The following BFAR variants were observed in gnomAD, a reference collection of about 807,000 sequenced individuals.
BFAR encodes the protein bifunctional apoptosis regulator, also known as RING finger protein 47.
A neutral mutation model predicts 54.4 loss-of-function variants in BFAR; 52 were observed. That is an observed-to-expected ratio of 0.96 (90% CI 0.77 to 1.21). The LOEUF (loss-of-function observed/expected upper bound fraction) is 1.21. Among genes scored for constraint, BFAR ranks in the 50% most tolerant of loss-of-function variants. The pLI is 0.00. For synonymous variants in BFAR, 215 were observed against 204.3 expected, an observed-to-expected ratio of 1.05 and a Z score of -0.45; for missense variants, 571 against 534.0, an observed-to-expected ratio of 1.07 and a Z score of -0.68.
At chr16:14,633,815 G>T (rs747359552) in intron 1 of BFAR, among the ~76,000 whole-genome samples, 5 of 152,244 alleles carry the variant, frequency 3.3e-5, no homozygotes, top group Admixed American at 6.5e-5. Flanking sequence ...ACCACGCCCG[G>T]CTGATTTTTG....
At chr16:14,654,493 CTTTT>C (rs55673619) in intron 4 of BFAR, among the ~76,000 whole-genome samples, 15 of 89,132 alleles carry the variant, frequency 1.7e-4, no homozygotes, top group Non-Finnish European at 2.9e-4. Context: ...GTGAGTTTTC[CTTTT>C]TTTTTTTTTT....
chr16:14,665,278 T>A (rs924005030), intron 7 of BFAR: 3 of 588,974 alleles, frequency 5.1e-6, no homozygotes, highest in Non-Finnish European at 9.0e-6. Flanking sequence ...TTGTTAAAAG[T>A]ATTTTCCTAT....
intron 1 of BFAR, among the ~76,000 whole-genome samples, chr16:14,641,787 A>C (rs904748645): frequency 3.3e-5 from 5 of 152,114 alleles, no homozygotes; most frequent in African/African-American, 4.8e-5. Context: ...CTTGAACCCC[A>C]GGAGGTGGAG....
At chr16:14,664,116 A>G (rs949102654) in intron 6 of BFAR, among the ~76,000 whole-genome samples, 3 of 151,942 alleles carry the variant, frequency 2.0e-5, no homozygotes, top group African/African-American at 7.3e-5. Flanking sequence ...GGTGGTATAC[A>G]CCTTTAATCC....
chr16:14,669,155 A>G lies in BFAR; in HGVS notation c.*1328A>G. On this transcript the variant is annotated 3_prime_UTR_variant, in exon 8 of 8. Coordinates refer to ENST00000261658, the MANE Select transcript of BFAR (RefSeq NM_016561.3). ...ATTAACCCTTTGTATCTTTGAGTGA[A>G]AATTTTACTCAAAAGTTGCATCTGG... The G allele has an allele frequency of 2.8e-6, 1 of 351,534 alleles. No homozygotes were observed. Among genetic ancestry groups the G allele is most frequent in the Non-Finnish European group, 5.9e-6 (1 of 170,354 alleles). The allele number at this position is 351,534 out of a possible 1,614,324, so 21.8% of individuals were successfully genotyped here.
At chr16:14,650,622 A>T (rs912957256) in intron 4 of BFAR, 1 of 152,188 alleles carries the variant, frequency 6.6e-6, no homozygotes, top group African/African-American at 2.4e-5. Context: ...TTTTTCACTT[A>T]GCATAATCTT....
At chr16:14,650,440 T>G (rs968835950) in intron 4 of BFAR, 1 of 152,494 alleles carries the variant, frequency 6.6e-6, no homozygotes, top group Non-Finnish European at 1.5e-5. Context: ...CAGCTGGTTT[T>G]AGAACATTTT....
intron 1 of BFAR, among the ~76,000 whole-genome samples, chr16:14,637,999 T>C (rs148125675): frequency 1.4e-4 from 22 of 152,114 alleles, no homozygotes; most frequent in African/African-American, 5.3e-4. Flanking sequence ...AAAGAAGTCA[T>C]CTATTGTCAG....
intron 4 of BFAR, among the ~76,000 whole-genome samples, chr16:14,652,773 G>T (rs965137333): frequency 6.6e-6 from 1 of 151,854 alleles, no homozygotes; most frequent in Non-Finnish European, 1.5e-5. Context: ...ACATGTGTTT[G>T]TATGTATACA....
rs1351393902 is a variant in BFAR, at chr16:14,668,971, C to G, written c.*1144C>G. Reference sequence around the variant, plus strand: ...ATGTATAATACAGCAGGTATAATTACACCAAGCGCTATAGTTATAAATATG... The same window carrying G: ...ATGTATAATACAGCAGGTATAATTAGACCAAGCGCTATAGTTATAAATATG... On this transcript the variant is annotated 3_prime_UTR_variant, in exon 8 of 8. Coordinates refer to ENST00000261658, the MANE Select transcript of BFAR (RefSeq NM_016561.3). 4 of 413,996 alleles carry G rather than the reference C, an allele frequency of 9.7e-6. No individual in the cohort carries two copies. Among genetic ancestry groups the G allele is most frequent in the South Asian group, 7.0e-5 (4 of 57,488 alleles). The allele number at this position is 413,996 out of a possible 1,614,324, so 25.6% of individuals were successfully genotyped here.
chr16:14,654,799 C>T (rs1473366964), intron 4 of BFAR, among the ~76,000 whole-genome samples: 4 of 152,044 alleles, frequency 2.6e-5, no homozygotes, highest in South Asian at 2.1e-4. Context: ...CCAGCCAAAG[C>T]GAGTTTTCTG....
At chr16:14,649,720 TC>T in intron 3 of BFAR, 83 bp from the exon 4 acceptor site, 1 of 1,300,932 alleles carries the variant, frequency 7.7e-7, no homozygotes, top group Non-Finnish European at 1.1e-6. Flanking sequence ...CTCAGCCTCT[TC>T]CTTTCCCCAC....
chr16:14,663,358 G>T (rs1183348416), intron 6 of BFAR, among the ~76,000 whole-genome samples: 2 of 150,682 alleles, frequency 1.3e-5, no homozygotes, highest in Non-Finnish European at 2.9e-5. Flanking sequence ...TTGAGACAGA[G>T]TCTCGCCCTG....
Position 14,667,615 on chromosome 16 carries a change from C to G in BFAR, c.1161-20C>G. On this transcript the variant is annotated intron_variant, in intron 7 of 7. Coordinates refer to ENST00000261658, the MANE Select transcript of BFAR (RefSeq NM_016561.3). Reference sequence around the variant, plus strand: ...TCATGAGAAGCGCCTCCGATTCAGCCTCTTCTCTTCTTGTTTCAGGACCGT... The same window carrying G: ...TCATGAGAAGCGCCTCCGATTCAGCGTCTTCTCTTCTTGTTTCAGGACCGT... 1.2e-6 allele frequency: 2 copies of G among 1,607,740 alleles called. No homozygotes were observed. The highest frequency in any genetic ancestry group is 1.8e-4 in the Middle Eastern group (1 of 5,596).
Position 14,649,887 on chromosome 16 carries a change from G to T in BFAR, c.552G>T (p.Ala184=). 1 of 1,613,470 alleles carries T rather than the reference G, an allele frequency of 6.2e-7. No homozygotes were observed. Among genetic ancestry groups the T allele is most frequent in the Non-Finnish European group, 8.5e-7 (1 of 1,179,664 alleles). The change falls in exon 4 of 8, where the codon GCG becomes GCT. Residue 184 remains alanine, a synonymous_variant. Transcript: ENST00000261658. The part of the protein sequence containing the change: ...LVHKAVAKWT[A]EEVVLWLEQL... ...ACAAGGCTGTGGCCAAATGGACGGC[G>T]GAAGAAGTTGTCCTCTGGCTGGAGC... is the stretch of plus-strand genomic sequence containing the variant.
intron 1 of BFAR, among the ~76,000 whole-genome samples, chr16:14,633,675 C>T (rs1050457972): frequency 6.6e-6 from 1 of 152,104 alleles, no homozygotes; most frequent in African/African-American, 2.4e-5. Flanking sequence ...TTTTTAGAGA[C>T]GGAGTCTTGC....
chr16:14,644,245 T>C (rs1959715790), intron 1 of BFAR, 29 bp from the exon 2 acceptor site: 2 of 1,238,254 alleles, frequency 1.6e-6, no homozygotes, highest in Non-Finnish European at 2.3e-6. Context: ...ACTATTTGCC[T>C]TATTTTTGTC....
Position 14,649,866 on chromosome 16 carries a change from G to T in BFAR, c.531G>T (p.Lys177Asn), listed in dbSNP as rs1959916046. Residue 177 changes from lysine (K) to asparagine (N), a missense_variant, in exon 4 of 8, where the codon AAG becomes AAT. Physicochemically the swap from Lys to Asn is moderately conservative, Grantham distance 94. Transcript: ENST00000261658. ...CTGAACACGACCTCCTGGTCCACAA[G>T]GCTGTGGCCAAATGGACGGCGGAAG... ...RESEHDLLVH[K>N]AVAKWTAEEV... is the part of the protein sequence containing the mutation. 1.2e-6 allele frequency: 2 copies of T among 1,613,392 alleles called. No homozygotes were observed. Among genetic ancestry groups the T allele is most frequent in the Non-Finnish European group, 1.7e-6 (2 of 1,179,652 alleles).
Position 14,638,956 on chromosome 16 carries a change from A to G in BFAR, c.-73-5318A>G, listed in dbSNP as rs190726286. 4.6e-4 allele frequency among the ~76,000 whole-genome samples: 70 copies of G among 152,280 alleles called. 1 individual carries two copies. The highest frequency in any genetic ancestry group is 4.1e-3 in the Admixed American group (62 of 15,276). Reference sequence around the variant, plus strand: ...TAAGACTTGTCTCAAAAAGAAAAAAAAAAAAAGAAAAATTCTTAAACTCAG... The same window carrying G: ...TAAGACTTGTCTCAAAAAGAAAAAAGAAAAAAGAAAAATTCTTAAACTCAG... On this transcript the variant is annotated intron_variant, in intron 1 of 7. Transcript: ENST00000261658.
Sources: allele counts gnomAD v4.1 joint callset (sites outside exome capture counted in the v4.1 genomes callset), GRCh38; gene constraint gnomAD v4.1.1; transcripts MANE v1.5; gene names NCBI Gene and HGNC (gene_info 2026-07-23, HGNC 2026-07-21).